Variants in ARHGAP28 observed in about 807,000 individuals in gnomAD.
ARHGAP28 encodes rho GTPase-activating protein 28.
ARHGAP28 carries 56 observed loss-of-function variants against 90.7 expected under a neutral mutation model. That is an observed-to-expected ratio of 0.62 (90% CI 0.50 to 0.77). The LOEUF is 0.77. Ranked by LOEUF, ARHGAP28 falls within the 30% of genes least tolerant of loss-of-function variation. The pLI, the probability that ARHGAP28 is intolerant of heterozygous loss-of-function variation, is 0.00. For missense variants in ARHGAP28, 869 were observed against 900.9 expected, an observed-to-expected ratio of 0.96 and a Z score of 0.45; for synonymous variants, 308 against 323.3, an observed-to-expected ratio of 0.95 and a Z score of 0.51.
At chr18:6,799,810 C>G (rs1170685281) in intron 1 of ARHGAP28, among the ~76,000 whole-genome samples, 1 of 152,166 alleles carries the variant, frequency 6.6e-6, no homozygotes, top group Non-Finnish European at 1.5e-5. Flanking sequence ...TGGGCAAAGA[C>G]TTCATGACTA....
chr18:6,901,833 G>C (rs2057340147), intron 16 of ARHGAP28, among the ~76,000 whole-genome samples: 1 of 152,090 alleles, frequency 6.6e-6, no homozygotes, highest in African/African-American at 2.4e-5. Context: ...TCATAATTCA[G>C]GAGTCCAGAA....
chr18:6,783,542 C>G (rs1465209328), intron 1 of ARHGAP28, among the ~76,000 whole-genome samples: 2 of 140,852 alleles, frequency 1.4e-5, no homozygotes, highest in South Asian at 2.1e-4. Context: ...CTCAGGTGAT[C>G]TGCCTGCCTC....
At chr18:6,883,239 ATTTTTT>A (rs34238467) in intron 11 of ARHGAP28, among the ~76,000 whole-genome samples, 1 of 142,288 alleles carries the variant, frequency 7.0e-6, no homozygotes, top group Non-Finnish European at 1.5e-5. Context: ...TCAGGCACTA[ATTTTTT>A]TTTTTTTTTT....
At chr18:6,904,994 G>C (rs111797247) in intron 16 of ARHGAP28, among the ~76,000 whole-genome samples, 53 of 151,850 alleles carry the variant, frequency 3.5e-4, no homozygotes, top group African/African-American at 1.3e-3. Flanking sequence ...AACATTTAAA[G>C]AATTAACACT....
At chr18:6,894,619 G>A in intron 14 of ARHGAP28, among the ~76,000 whole-genome samples, 1 of 152,184 alleles carries the variant, frequency 6.6e-6, no homozygotes, top group East Asian at 1.9e-4. Context: ...CTGTGTGTCA[G>A]CAAACAAACA....
chr18:6,828,628 T>C (rs916279817), intron 2 of ARHGAP28, among the ~76,000 whole-genome samples: 1 of 152,222 alleles, frequency 6.6e-6, no homozygotes, highest in Non-Finnish European at 1.5e-5. Context: ...TCTAGTTTCA[T>C]TCTTCTGCAT....
At chr18:6,740,883 T>A (rs1403369861) in intron 1 of ARHGAP28, among the ~76,000 whole-genome samples, 8 of 152,160 alleles carry the variant, frequency 5.3e-5, no homozygotes, top group Non-Finnish European at 1.2e-4. Flanking sequence ...TCGATCCTGG[T>A]TTGATCACCT....
At chr18:6,772,877 A>G (rs2143419737) in intron 1 of ARHGAP28, among the ~76,000 whole-genome samples, 1 of 152,122 alleles carries the variant, frequency 6.6e-6, no homozygotes, top group South Asian at 2.1e-4. Context: ...AGTAGCTGGG[A>G]TTATAGGCAT....
rs746421831 is a variant in ARHGAP28, at chr18:6,868,153, A to G, written c.730A>G (p.Ile244Val). The G allele has an allele frequency of 6.8e-6, 11 of 1,613,662 alleles. No individual in the cohort carries two copies. The African/African-American group carries it at 9.3e-5, about 14-fold the overall frequency. The change falls in exon 6 of 18, where the codon ATA becomes GTA. Residue 244 changes from isoleucine (I) to valine (V), a missense_variant. By Grantham distance (29) the Ile-to-Val change is conservative. Coordinates refer to ENST00000383472, the MANE Select transcript of ARHGAP28 (RefSeq NM_001366230.1). ...FAVPRSDSVA[I>V]LETIPVLPVH... is the part of the protein sequence containing the mutation. ...TTCATCTTCCTTTGCTTGGCAGGCTATACTTGAGACCATTCCAGTTCTACC... is the reference window on the plus strand; with the variant it reads ...TTCATCTTCCTTTGCTTGGCAGGCTGTACTTGAGACCATTCCAGTTCTACC...
chr18:6,882,938 G>A (rs1403334361), intron 11 of ARHGAP28, among the ~76,000 whole-genome samples: 3 of 152,164 alleles, frequency 2.0e-5, no homozygotes, highest in Non-Finnish European at 4.4e-5. Flanking sequence ...TGAGCATAAA[G>A]GTTGAATATT....
chr18:6,742,979 T>A (rs568477596), intron 1 of ARHGAP28, among the ~76,000 whole-genome samples: 1 of 152,072 alleles, frequency 6.6e-6, no homozygotes, highest in Non-Finnish European at 1.5e-5. Flanking sequence ...TCAGTGATGG[T>A]CTTTGCTATT....
At chr18:6,761,486 A>G (rs1285831133) in intron 1 of ARHGAP28, among the ~76,000 whole-genome samples, 1 of 152,156 alleles carries the variant, frequency 6.6e-6, no homozygotes, top group Non-Finnish European at 1.5e-5. Context: ...AGTGAAGGAA[A>G]CAGTATTGAT....
intron 2 of ARHGAP28, among the ~76,000 whole-genome samples, chr18:6,829,578 A>C (rs1378648861): frequency 6.6e-6 from 1 of 152,108 alleles, no homozygotes; most frequent in Non-Finnish European, 1.5e-5. Flanking sequence ...AAACGCATGC[A>C]CTCTTATAAT....
chr18:6,748,530 G>A (rs1252355556), intron 1 of ARHGAP28, among the ~76,000 whole-genome samples: 1 of 152,168 alleles, frequency 6.6e-6, no homozygotes, highest in East Asian at 1.9e-4. Context: ...CAACTTCTGT[G>A]GCTTGGATGT....
At chr18:6,897,345 T>G (rs185867140) in intron 16 of ARHGAP28, 1 of 152,360 alleles carries the variant, frequency 6.6e-6, no homozygotes, top group East Asian at 1.9e-4. Context: ...CATTATGTAG[T>G]TAAGTGGATA....
rs185200770 is a variant in ARHGAP28 at position 6,772,571 on chromosome 18, A to C, written c.122+42628A>C. Among the ~76,000 whole-genome samples the C allele has an allele frequency of 1.2e-3, 183 of 152,304 alleles. 1 individual carries two copies. Among genetic ancestry groups the C allele is most frequent in the Non-Finnish European group, 2.4e-4 (16 of 68,028 alleles). On this transcript the variant is annotated intron_variant, in intron 1 of 17. Coordinates refer to ENST00000383472, the MANE Select transcript of ARHGAP28 (RefSeq NM_001366230.1). Reference sequence around the variant, plus strand: ...ATATTCAACACTTTATTATAAAATAAGCTTTGTGTTAGAGGATTTAACGAA... The same window carrying C: ...ATATTCAACACTTTATTATAAAATACGCTTTGTGTTAGAGGATTTAACGAA...
intron 3 of ARHGAP28, among the ~76,000 whole-genome samples, chr18:6,839,325 G>T (rs1395334748): frequency 1.5e-5 from 2 of 131,204 alleles, no homozygotes; most frequent in African/African-American, 2.9e-5. Flanking sequence ...ACAGCGTCTC[G>T]CTCTGTCGCC....
At chr18:6,903,753 C>T (rs560231986) in intron 16 of ARHGAP28, among the ~76,000 whole-genome samples, 2 of 135,888 alleles carry the variant, frequency 1.5e-5, no homozygotes, top group Non-Finnish European at 3.1e-5. Flanking sequence ...TGCTTGAACC[C>T]GGGAGGCGGA....
intron 3 of ARHGAP28, among the ~76,000 whole-genome samples, chr18:6,844,930 A>G (rs1183947627): frequency 2.6e-5 from 4 of 152,252 alleles, no homozygotes; most frequent in Admixed American, 2.6e-4. Context: ...ACCCACGGCA[A>G]TAGCTGCAGC....
Sources: gnomAD v4.1 joint callset for allele counts (sites outside exome capture counted in the v4.1 genomes callset) on GRCh38, gnomAD v4.1.1 for gene constraint, MANE v1.5 for transcripts, NCBI Gene and HGNC (gene_info 2026-07-23, HGNC 2026-07-21) for gene names.